The following EBF2 variants were observed in gnomAD, a reference collection of about 807,000 sequenced individuals.
EBF2 encodes the protein EBF transcription factor 2.
EBF2 carries 21 observed loss-of-function variants against 72.8 expected under a neutral mutation model. The ratio of observed to expected loss-of-function variants is 0.29; its 90% CI spans 0.20 to 0.42. The LOEUF (loss-of-function observed/expected upper bound fraction) is 0.42, where lower values mean the gene tolerates loss of function less well. Among genes scored for constraint, EBF2 ranks in the 10% least tolerant of loss-of-function variants. The pLI, the probability that EBF2 is intolerant of heterozygous loss-of-function variation, is 1.00. For synonymous variants in EBF2, 299 were observed against 274.2 expected (o/e 1.09, Z -0.89); for missense variants, 637 against 731.2 (o/e 0.87, Z 1.49).
At chr8:25,970,449 A>AT (rs888599529) in intron 6 of EBF2, among the ~76,000 whole-genome samples, 72 of 151,894 alleles carry the variant, frequency 4.7e-4, no homozygotes, top group Admixed American at 1.1e-3. Flanking sequence ...CCACAGAGCA[A>AT]TTTTTTTTCC....
At chr8:26,016,576 A>G (rs1325892675) in intron 6 of EBF2, among the ~76,000 whole-genome samples, 1 of 152,216 alleles carries the variant, frequency 6.6e-6, no homozygotes, top group African/African-American at 2.4e-5. Context: ...AAATGTGGCT[A>G]CAGGAGGCAT....
chr8:25,867,011 A>G (rs1802342831), intron 10 of EBF2, among the ~76,000 whole-genome samples: 1 of 152,122 alleles, frequency 6.6e-6, no homozygotes, highest in South Asian at 2.1e-4. Context: ...TATATATCTA[A>G]ATTCAGATAT....
intron 5 of EBF2, among the ~76,000 whole-genome samples, chr8:26,035,190 T>G (rs1585235820): frequency 6.6e-6 from 1 of 151,710 alleles, no homozygotes; most frequent in East Asian, 1.9e-4. Flanking sequence ...TTGCTCAGGC[T>G]GGAATGCAGT....
At chr8:26,029,332 C>A (rs1415830996) in intron 6 of EBF2, among the ~76,000 whole-genome samples, 2 of 152,220 alleles carry the variant, frequency 1.3e-5, no homozygotes, top group Non-Finnish European at 2.9e-5. Context: ...CAATCAAAAA[C>A]TCTTAATTGG....
At chr8:25,874,853 C>CTT (rs1183233269) in intron 10 of EBF2, among the ~76,000 whole-genome samples, 11,423 of 99,244 alleles carry the variant, frequency 0.12, 677 homozygotes, top group African/African-American at 0.14. Context: ...GCCTGGCTAA[C>CTT]TTTTTTTTTT....
At chr8:25,892,119 T>C (rs1802792438) in intron 7 of EBF2, among the ~76,000 whole-genome samples, 1 of 152,188 alleles carries the variant, frequency 6.6e-6, no homozygotes. Flanking sequence ...AAACCCTATA[T>C]TATGCTTTTT....
chr8:25,994,731 A>G (rs772600509), intron 6 of EBF2, among the ~76,000 whole-genome samples: 9 of 152,208 alleles, frequency 5.9e-5, no homozygotes, highest in Non-Finnish European at 1.3e-4. Flanking sequence ...AGTGGGAGCT[A>G]AACACTGAGT....
At chr8:25,897,124 A>G (rs1026284472) in intron 7 of EBF2, among the ~76,000 whole-genome samples, 3 of 152,196 alleles carry the variant, frequency 2.0e-5, no homozygotes, top group Non-Finnish European at 4.4e-5. Flanking sequence ...TGACTGCCAT[A>G]GAGACAGATG....
chr8:25,891,896 T>G (rs1802788573), intron 7 of EBF2, among the ~76,000 whole-genome samples: 1 of 152,142 alleles, frequency 6.6e-6, no homozygotes, highest in South Asian at 2.1e-4. Flanking sequence ...CCTCTGAATA[T>G]GAAGGAATGA....
intron 6 of EBF2, among the ~76,000 whole-genome samples, chr8:25,930,178 G>A (rs28701570): frequency 0.042 from 6,368 of 152,156 alleles, 439 homozygotes; most frequent in African/African-American, 0.14. Context: ...CCAGAATCAG[G>A]TATACTTCTT....
intron 6 of EBF2, among the ~76,000 whole-genome samples, chr8:25,983,089 T>C (rs535394278): frequency 2.0e-5 from 3 of 152,266 alleles, no homozygotes; most frequent in Non-Finnish European, 4.4e-5. Context: ...CCCCTCCGCA[T>C]GCACGAGCAC....
intron 10 of EBF2, among the ~76,000 whole-genome samples, chr8:25,864,388 G>A (rs1050472856): frequency 1.3e-5 from 2 of 151,970 alleles, no homozygotes; most frequent in African/African-American, 2.4e-5. Flanking sequence ...TACTTTATAT[G>A]TTGAGATTTT....
intron 10 of EBF2, among the ~76,000 whole-genome samples, chr8:25,885,678 A>G (rs1411269081): frequency 1.3e-5 from 2 of 151,940 alleles, no homozygotes; most frequent in Non-Finnish European, 2.9e-5. Flanking sequence ...ACGAGATCTG[A>G]TGATTTTATA....
chr8:25,959,846 T>A (rs757638722), intron 6 of EBF2, among the ~76,000 whole-genome samples: 14 of 152,092 alleles, frequency 9.2e-5, no homozygotes, highest in Non-Finnish European at 4.4e-5. Flanking sequence ...GAGAAGCAAA[T>A]GGCACCCAAC....
At position 25,850,634 on chromosome 8, in the gene EBF2, A is replaced by G; in HGVS notation, c.1656T>C (p.Pro552=). 2.6e-6 allele frequency: 4 copies of G among 1,567,366 alleles called. No individual in the cohort carries two copies. The highest frequency in any genetic ancestry group is 3.4e-6 in the Non-Finnish European group (4 of 1,164,606). The part of the protein sequence containing the change: ...FAPVIRPQGS[P]SPACSSGNGN... Reference sequence around the variant, plus strand: ...CATTGCCGCTGGAGCAGGCAGGTGAAGGGGAGCCTTGGGGCCTGATGACAG... The same window carrying G: ...CATTGCCGCTGGAGCAGGCAGGTGAGGGGGAGCCTTGGGGCCTGATGACAG... The change falls in exon 15 of 16, where the codon CCT becomes CCC. Residue 552 remains proline (P), a synonymous_variant. Transcript: ENST00000520164.
chr8:25,924,058 G>A (rs143428014), intron 6 of EBF2, among the ~76,000 whole-genome samples: 1 of 152,182 alleles, frequency 6.6e-6, no homozygotes, highest in African/African-American at 2.4e-5. Context: ...GTGTGACCTA[G>A]AGGATAAAAC....
chr8:26,002,326 A>G (rs1455847014), intron 6 of EBF2, among the ~76,000 whole-genome samples: 1 of 152,194 alleles, frequency 6.6e-6, no homozygotes, highest in African/African-American at 2.4e-5. Flanking sequence ...ATAAGGGTGT[A>G]AGGGAAAAAA....
rs961100539 is a variant in EBF2 at position 26,045,391 on chromosome 8, C to T, written c.-532G>A. 6 of 152,364 alleles carry T rather than the reference C, an allele frequency of 3.9e-5. No individual in the cohort carries two copies. Among genetic ancestry groups the T allele is most frequent in the Non-Finnish European group, 7.3e-5 (5 of 68,180 alleles). 9.4% of individuals were successfully genotyped at this position (152,364 alleles called of 1,614,324 possible). ...CCCGGCTGCAGCCGCGCGCGGGCCC[C>T]ATGAATGGGTTACTACGGCCCTGGC... On this transcript the variant is annotated 5_prime_UTR_variant, in exon 1 of 16. The change abolishes an upstream ATG in the 5' untranslated region. Transcript: ENST00000520164.
intron 4 of EBF2, among the ~76,000 whole-genome samples, chr8:26,040,377 C>T (rs183134125): frequency 7.3e-5 from 11 of 151,670 alleles, no homozygotes; most frequent in Non-Finnish European, 1.3e-4. Flanking sequence ...CCTTTTTGTT[C>T]GCCTCTTACT....
Sources: gnomAD v4.1 joint callset for allele counts (sites outside exome capture counted in the v4.1 genomes callset) on GRCh38, gnomAD v4.1.1 for gene constraint, MANE v1.5 for transcripts, NCBI Gene and HGNC (gene_info 2026-07-23, HGNC 2026-07-21) for gene names.